The following CD44 variants were observed in gnomAD, a reference collection of about 807,000 sequenced individuals.
CD44 encodes the protein CD44 molecule (IN blood group).
CD44 carries 49 observed loss-of-function variants against 88.8 expected under a neutral mutation model. That is an observed-to-expected ratio of 0.55 (90% confidence interval 0.44 to 0.70). The LOEUF (loss-of-function observed/expected upper bound fraction) is 0.70, where lower values mean the gene tolerates loss of function less well. Among genes scored for constraint, CD44 ranks in the 30% least tolerant of loss-of-function variants. CD44 has a pLI of 0.00. For missense variants in CD44, 883 were observed against 913.8 expected, an observed-to-expected ratio of 0.97 and a Z score of 0.43; for synonymous variants, 325 against 312.3, an observed-to-expected ratio of 1.04 and a Z score of -0.43.
At chr11:35,172,669 A>G (rs1169113458) in intron 1 of CD44, among the ~76,000 whole-genome samples, 5 of 152,146 alleles carry the variant, frequency 3.3e-5, no homozygotes, top group South Asian at 2.1e-4. Context: ...TAAAGCATCA[A>G]TGATTTTTTC....
intron 2 of CD44, among the ~76,000 whole-genome samples, chr11:35,177,484 A>AGAG (rs1247902906): frequency 6.6e-6 from 1 of 152,252 alleles, no homozygotes; most frequent in Non-Finnish European, 1.5e-5. Flanking sequence ...TTTCACTAGA[A>AGAG]GAGGACTGAG....
intron 1 of CD44, among the ~76,000 whole-genome samples, chr11:35,164,083 C>T (rs766550490): frequency 1.8e-4 from 28 of 152,114 alleles, no homozygotes; most frequent in Non-Finnish European, 2.9e-4. Flanking sequence ...CTGGAAAACC[C>T]AGCTGGGGGC....
At chr11:35,181,713 A>AT in intron 3 of CD44, among the ~76,000 whole-genome samples, 2 of 131,364 alleles carry the variant, frequency 1.5e-5, no homozygotes, top group African/African-American at 6.0e-5. Context: ...TATATTTATA[A>AT]ATATTTATTT....
chr11:35,201,938 G>T lies in CD44; in HGVS notation c.1153+151G>T, dbSNP rs565456797. 14 of 873,922 alleles carry T rather than the reference G, an allele frequency of 1.6e-5. No individual in the cohort carries two copies. The South Asian group carries it at 2.5e-4, about 15-fold the overall frequency. 54.1% of individuals were successfully genotyped at this position (873,922 alleles called of 1,614,324 possible). A position where few individuals can be genotyped will look rare whatever the true frequency, so the allele number is the denominator to read the frequency against. On this transcript the variant is annotated intron_variant, in intron 9 of 17. Transcript: ENST00000428726. ...TAGAGCCTGAAAAGCTGCTAAACCCGCACACAAATTTTAAAAATTGGAAGG... is the reference window on the plus strand; with the variant it reads ...TAGAGCCTGAAAAGCTGCTAAACCCTCACACAAATTTTAAAAATTGGAAGG...
At position 35,230,776 on chromosome 11, in the gene CD44, C is replaced by T. The variant is rs1417530617; in HGVS notation, c.*1443C>T. On this transcript the variant is annotated 3_prime_UTR_variant, in exon 18 of 18. Transcript: ENST00000428726. ...GCATTTATTCATCAGTCAGGGTGTC[C>T]GATTGGTCCTAGAACTTCCAAAGGC... 3 of 152,162 alleles carry T rather than the reference C, an allele frequency of 2.0e-5. No homozygotes were observed. The highest frequency in any genetic ancestry group is 7.2e-5 in the African/African-American group (3 of 41,418). The allele number at this position is 152,162 out of a possible 1,614,324, so 9.4% of individuals were successfully genotyped here.
chr11:35,202,292 T>C lies in CD44; in HGVS notation c.1153+505T>C, dbSNP rs147669704. ...AGTTGGTAGCTCTTATGGTCTTCAT[T>C]TGAATTCTACCACTGCTTCTTTTTC... On this transcript the variant is annotated intron_variant, in intron 9 of 17. Coordinates refer to ENST00000428726, the MANE Select transcript of CD44 (RefSeq NM_000610.4). Among the ~76,000 whole-genome samples, 124 of 152,296 alleles carry C rather than the reference T, an allele frequency of 8.1e-4. 1 individual carries two copies. Among genetic ancestry groups the C allele is most frequent in the Admixed American group, 9.8e-4 (15 of 15,288 alleles).
chr11:35,206,674 G>GGT (rs1334724267), intron 11 of CD44, among the ~76,000 whole-genome samples: 7 of 151,968 alleles, frequency 4.6e-5, no homozygotes, highest in East Asian at 1.9e-4. Flanking sequence ...GTTGGTGGGG[G>GGT]GGGCAGTTTT....
chr11:35,206,200 C>T lies in CD44; in HGVS notation c.1371C>T (p.Ile457=). 1.9e-6 allele frequency: 3 copies of T among 1,612,372 alleles called. No individual in the cohort carries two copies. The highest frequency in any genetic ancestry group is 2.5e-6 in the Non-Finnish European group (3 of 1,179,102). The change falls in exon 11 of 18, where the codon ATC becomes ATT. Residue 457 remains isoleucine, a synonymous_variant. Coordinates refer to ENST00000428726, the MANE Select transcript of CD44 (RefSeq NM_000610.4). The stretch of plus-strand genomic sequence containing the variant: ...CCTGGACTGATTTCTTCAACCCAAT[C>T]TCACACCCCATGGGACGAGGTCATC... ...DSSWTDFFNP[I]SHPMGRGHQA...
chr11:35,153,966 A>T (rs991971009), intron 1 of CD44, among the ~76,000 whole-genome samples: 1 of 152,214 alleles, frequency 6.6e-6, no homozygotes, highest in Non-Finnish European at 1.5e-5. Context: ...TTCTGAAAGC[A>T]AGTGGTTTAT....
intron 17 of CD44, among the ~76,000 whole-genome samples, chr11:35,226,761 A>G (rs1255313560): frequency 6.6e-6 from 1 of 152,124 alleles, no homozygotes; most frequent in Non-Finnish European, 1.5e-5. Flanking sequence ...TACTCTTAGT[A>G]ACCTGGTATT....
chr11:35,185,385 T>A (rs999521849), intron 3 of CD44, among the ~76,000 whole-genome samples: 1 of 152,216 alleles, frequency 6.6e-6, no homozygotes, highest in African/African-American at 2.4e-5. Context: ...AATGGGCAGG[T>A]TAAGGTTATC....
At chr11:35,199,831 C>A (rs1947117082) in intron 7 of CD44, among the ~76,000 whole-genome samples, 1 of 150,680 alleles carries the variant, frequency 6.6e-6, no homozygotes, top group Admixed American at 6.6e-5. Flanking sequence ...AATACGTGGT[C>A]TTGATACTGA....
At chr11:35,185,769 T>G (rs140038827) in intron 3 of CD44, among the ~76,000 whole-genome samples, 1 of 152,358 alleles carries the variant, frequency 6.6e-6, no homozygotes, top group East Asian at 1.9e-4. Context: ...AAAACCAGTT[T>G]AAAGCTCTCT....
chr11:35,156,875 A>G (rs540095694), intron 1 of CD44, among the ~76,000 whole-genome samples: 2 of 152,272 alleles, frequency 1.3e-5, no homozygotes, highest in East Asian at 1.9e-4. Flanking sequence ...CTACAAAAAT[A>G]TATTTTTAAT....
chr11:35,177,979 A>T (rs192004753), intron 2 of CD44, among the ~76,000 whole-genome samples: 19 of 152,354 alleles, frequency 1.2e-4, no homozygotes, highest in South Asian at 1.2e-3. Flanking sequence ...ACTGCTCTAA[A>T]ATAAAGAGCA....
intron 9 of CD44, 108 bp from the exon 10 acceptor site, chr11:35,204,404 C>T: frequency 9.8e-7 from 1 of 1,022,422 alleles, no homozygotes; most frequent in South Asian, 1.5e-5. Flanking sequence ...CCTTTCTTTT[C>T]TACCTTCCCT....
rs556121465 is a variant in CD44 at position 35,196,357 on chromosome 11, A to G, written c.668-389A>G. On this transcript the variant is annotated intron_variant, in intron 5 of 17. Transcript: ENST00000428726. ...TCCTAATTTGGCCTCATGGATCCAG[A>G]GGCAAAAAAGTTTAATCCCTCTTTT... Among the ~76,000 whole-genome samples, 5 of 152,302 alleles carry G rather than the reference A, an allele frequency of 3.3e-5. No individual in the cohort carries two copies. In the South Asian group the frequency reaches 8.3e-4, roughly 25 times the overall value.
chr11:35,181,670 A>G (rs1331110257), intron 3 of CD44, among the ~76,000 whole-genome samples: 3 of 129,766 alleles, frequency 2.3e-5, no homozygotes, highest in East Asian at 4.0e-4. Context: ...ATACATATAC[A>G]TATATATATA....
intron 3 of CD44, among the ~76,000 whole-genome samples, chr11:35,181,621 G>T (rs1245028807): frequency 1.4e-5 from 2 of 141,906 alleles, no homozygotes; most frequent in African/African-American, 5.3e-5. Context: ...AGCTGGAAAG[G>T]GACTTAAGAC....
Sources: gnomAD v4.1 joint callset for allele counts (sites outside exome capture counted in the v4.1 genomes callset) on GRCh38, gnomAD v4.1.1 for gene constraint, MANE v1.5 for transcripts, NCBI Gene and HGNC (gene_info 2026-07-23, HGNC 2026-07-21) for gene names.